Variants in WDFY2 observed in about 807,000 individuals in gnomAD.
The protein encoded by WDFY2 is WD repeat and FYVE domain-containing protein 2.
WDFY2 carries 36 observed loss-of-function variants against 56.4 expected under a neutral mutation model. That is an observed-to-expected ratio of 0.64 (90% CI 0.49 to 0.84). The LOEUF (loss-of-function observed/expected upper bound fraction) is 0.84, where lower values mean the gene tolerates loss of function less well. WDFY2 is among the 40% of genes least tolerant of loss of function. WDFY2 has a pLI of 0.00. For synonymous variants in WDFY2, 176 were observed against 183.7 expected, an observed-to-expected ratio of 0.96 and a Z score of 0.34; for missense variants, 444 against 512.2, an observed-to-expected ratio of 0.87 and a Z score of 1.29.
At chr13:51,696,771 A>T (rs1951885816) in intron 3 of WDFY2, among the ~76,000 whole-genome samples, 1 of 152,238 alleles carries the variant, frequency 6.6e-6, no homozygotes, top group Non-Finnish European at 1.5e-5. Context: ...TTTATAAACA[A>T]TCTATCAAGA....
intron 6 of WDFY2, among the ~76,000 whole-genome samples, chr13:51,735,073 G>T (rs1952805801): frequency 6.6e-6 from 1 of 152,210 alleles, no homozygotes; most frequent in Non-Finnish European, 1.5e-5. Flanking sequence ...AGGAAGCCCT[G>T]TGTGCAGAGA....
At chr13:51,659,779 A>G (rs1566085679) in intron 1 of WDFY2, among the ~76,000 whole-genome samples, 2 of 152,186 alleles carry the variant, frequency 1.3e-5, no homozygotes, top group South Asian at 2.1e-4. Flanking sequence ...TCTGCCTCAG[A>G]GCTTATAATT....
At chr13:51,637,651 A>C (rs1955078263) in intron 1 of WDFY2, among the ~76,000 whole-genome samples, 2 of 152,126 alleles carry the variant, frequency 1.3e-5, no homozygotes, top group Admixed American at 6.5e-5. Flanking sequence ...TAAGAAAGTA[A>C]AGTGGTGAAA....
intron 7 of WDFY2, among the ~76,000 whole-genome samples, chr13:51,750,810 G>A (rs1408658636): frequency 6.6e-6 from 1 of 152,154 alleles, no homozygotes; most frequent in African/African-American, 2.4e-5. Flanking sequence ...CCAAGTAAAG[G>A]CATGCCTGGT....
Position 51,584,536 on chromosome 13 carries a change from G to A in WDFY2, c.-152G>A, listed in dbSNP as rs1194835735. 1.8e-5 allele frequency: 20 copies of A among 1,112,198 alleles called. No homozygotes were observed. In the South Asian group the frequency reaches 2.2e-4, roughly 12 times the overall value. 68.9% of individuals were successfully genotyped at this position (1,112,198 alleles called of 1,614,324 possible). ...GCAGGGAGCGCGGAGTCGTTCCCGA[G>A]AGAGGCGGCCAGGCTATGCTCGCCG... On this transcript the variant is annotated 5_prime_UTR_variant, in exon 1 of 12. Transcript: ENST00000298125.
chr13:51,604,522 A>G (rs913583300), intron 1 of WDFY2, among the ~76,000 whole-genome samples: 1 of 152,216 alleles, frequency 6.6e-6, no homozygotes, highest in Non-Finnish European at 1.5e-5. Flanking sequence ...ACTAGACATT[A>G]TGAATGTCAA....
intron 3 of WDFY2, among the ~76,000 whole-genome samples, chr13:51,688,816 A>G (rs1331095809): frequency 6.6e-6 from 1 of 152,138 alleles, no homozygotes; most frequent in Non-Finnish European, 1.5e-5. Context: ...GTTTTGAGCT[A>G]TTTTTTCTTT....
rs187883903 is a variant in WDFY2 at position 51,651,365 on chromosome 13, G to T, written c.138-9231G>T. Among the ~76,000 whole-genome samples the T allele has an allele frequency of 1.4e-4, 21 of 152,194 alleles. No individual in the cohort carries two copies. The East Asian group carries it at 3.9e-3, about 28-fold the overall frequency. ...TTTTGTTGATCTTTTCAAAAAACCA[G>T]CTCCTGGATTCATTAATTTTTTGAA... On this transcript the variant is annotated intron_variant, in intron 1 of 11. Transcript: ENST00000298125.
At chr13:51,703,534 C>A in intron 3 of WDFY2, 62 bp from the exon 4 acceptor site, 1 of 1,282,268 alleles carries the variant, frequency 7.8e-7, no homozygotes, top group Non-Finnish European at 1.1e-6. Flanking sequence ...TCTGGTTTTA[C>A]CAAATATAGT....
chr13:51,666,976 G>A (rs1955715198), intron 2 of WDFY2, among the ~76,000 whole-genome samples: 1 of 152,176 alleles, frequency 6.6e-6, no homozygotes, highest in Non-Finnish European at 1.5e-5. Context: ...GTGCCTGGGT[G>A]GGAAACTGGA....
chr13:51,622,425 C>T (rs369448806), intron 1 of WDFY2, among the ~76,000 whole-genome samples: 1 of 152,244 alleles, frequency 6.6e-6, no homozygotes, highest in East Asian at 1.9e-4. Flanking sequence ...TGGTGACCCA[C>T]AGGTGAGTAA....
At chr13:51,666,274 G>A (rs1181789949) in intron 2 of WDFY2, among the ~76,000 whole-genome samples, 1 of 152,194 alleles carries the variant, frequency 6.6e-6, no homozygotes, top group Non-Finnish European at 1.5e-5. Flanking sequence ...AGCTTACACT[G>A]ATGTGTACAT....
chr13:51,699,113 T>A (rs1951931842), intron 3 of WDFY2, among the ~76,000 whole-genome samples: 1 of 152,234 alleles, frequency 6.6e-6, no homozygotes, highest in Admixed American at 6.5e-5. Context: ...CCCCTGCTAC[T>A]TCTGAATTAC....
chr13:51,751,403 G>A lies in WDFY2; in HGVS notation c.819G>A (p.Val273=). The part of the protein sequence containing the change: ...DGGIVVWNMD[V]ERQETPEWLD... ...GGATTGTCGTCTGGAACATGGACGT[G>A]GAGAGGCAGGAGGTAGGTGGCACAG... The change falls in exon 8 of 12, where the codon GTG becomes GTA. Residue 273 remains valine, a synonymous_variant. Coordinates refer to ENST00000298125, the MANE Select transcript of WDFY2 (RefSeq NM_052950.4). 6.2e-7 allele frequency: 1 copy of A among 1,614,032 alleles called. No individual in the cohort carries two copies. Among genetic ancestry groups the A allele is most frequent in the Non-Finnish European group, 8.5e-7 (1 of 1,179,914 alleles).
chr13:51,623,782 C>T (rs1954787480), intron 1 of WDFY2, among the ~76,000 whole-genome samples: 1 of 151,884 alleles, frequency 6.6e-6, no homozygotes, highest in Non-Finnish European at 1.5e-5. Context: ...TTCTGTGGTT[C>T]CTGTCCTTCT....
chr13:51,674,224 G>A (rs953829564), intron 2 of WDFY2, among the ~76,000 whole-genome samples: 1 of 152,160 alleles, frequency 6.6e-6, no homozygotes, highest in Non-Finnish European at 1.5e-5. Context: ...ATAATAGGTA[G>A]TTCATGATCT....
intron 4 of WDFY2, among the ~76,000 whole-genome samples, chr13:51,707,938 A>ATTTTTT (rs1952120038): frequency 2.5e-5 from 2 of 78,468 alleles, no homozygotes; most frequent in Non-Finnish European, 5.0e-5. Flanking sequence ...CCCTAAAACA[A>ATTTTTT]CTTTTTTTTT....
intron 1 of WDFY2, among the ~76,000 whole-genome samples, chr13:51,642,595 G>C (rs532912579): frequency 8.6e-4 from 131 of 151,648 alleles, no homozygotes; most frequent in Middle Eastern, 3.4e-3. Flanking sequence ...TGCCCAGCCA[G>C]AGGTTTTTAT....
chr13:51,658,872 AT>A (rs1371064626), intron 1 of WDFY2, among the ~76,000 whole-genome samples: 2 of 152,014 alleles, frequency 1.3e-5, no homozygotes, highest in Non-Finnish European at 2.9e-5. Context: ...TTTCTTTATT[AT>A]ATCTGTAGTT....
Sources: gnomAD v4.1 joint callset for allele counts (sites outside exome capture counted in the v4.1 genomes callset) on GRCh38, gnomAD v4.1.1 for gene constraint, MANE v1.5 for transcripts, NCBI Gene and HGNC (gene_info 2026-07-23, HGNC 2026-07-21) for gene names.